CBLB: variants seen among roughly 807,000 people sequenced by gnomAD.
CBLB encodes E3 ubiquitin-protein ligase CBL-B.
CBLB carries 31 observed loss-of-function variants against 104.9 expected under a neutral mutation model. That is an observed-to-expected ratio of 0.30 (90% CI 0.22 to 0.40). CBLB has a LOEUF of 0.40. Ranked by LOEUF, CBLB falls within the 10% of genes least tolerant of loss-of-function variation. The pLI is 1.00. For missense variants in CBLB, 1,062 were observed against 1,214.6 expected (o/e 0.87, Z 1.87); for synonymous variants, 440 against 422.6 (o/e 1.04, Z -0.51).
intron 18 of CBLB, among the ~76,000 whole-genome samples, chr3:105,661,886 T>C (rs1423922453): frequency 6.6e-6 from 1 of 152,100 alleles, no homozygotes; most frequent in African/African-American, 2.4e-5. Context: ...AGGAGACCAT[T>C]AAAAAGAAAG....
intron 3 of CBLB, among the ~76,000 whole-genome samples, chr3:105,783,475 T>C (rs1409466795): frequency 6.6e-6 from 1 of 152,178 alleles, no homozygotes; most frequent in East Asian, 1.9e-4. Flanking sequence ...ATGATGGCCT[T>C]GTACAATTCA....
chr3:105,868,884 C>T lies in CBLB; in HGVS notation c.-163G>A, dbSNP rs1488017005. ...AGAAGGAGCAACCCAGCGCGCAGGC[C>T]TCCGAGACGTGGAAACGCAACAATT... On this transcript the variant is annotated 5_prime_UTR_variant, in exon 1 of 19. Transcript: ENST00000394030. 1 of 1,019,036 alleles carries T rather than the reference C, an allele frequency of 9.8e-7. No homozygotes were observed. The highest frequency in any genetic ancestry group is 1.2e-6 in the Non-Finnish European group (1 of 852,388). The allele number at this position is 1,019,036 out of a possible 1,614,324, so 63.1% of individuals were successfully genotyped here. A position where few individuals can be genotyped will look rare whatever the true frequency, so the allele number is the denominator to read the frequency against.
intron 4 of CBLB, among the ~76,000 whole-genome samples, chr3:105,752,269 A>G (rs923820472): frequency 2.0e-4 from 31 of 152,234 alleles, no homozygotes; most frequent in Admixed American, 2.0e-3. Context: ...TCATTCGACA[A>G]AATTTTAACA....
At chr3:105,701,969 T>A in intron 12 of CBLB, 125 bp downstream of exon 12, 1 of 956,744 alleles carries the variant, frequency 1.0e-6, no homozygotes, top group Non-Finnish European at 1.6e-6. Context: ...AACTTGGGGA[T>A]AATTAAAGAC....
intron 1 of CBLB, among the ~76,000 whole-genome samples, chr3:105,867,867 T>G (rs1359964998): frequency 7.0e-6 from 1 of 142,794 alleles, no homozygotes; most frequent in Middle Eastern, 3.2e-3. Context: ...GCTGAACTAA[T>G]ACTCAACTCA....
intron 3 of CBLB, among the ~76,000 whole-genome samples, chr3:105,828,134 C>T (rs541922740): frequency 6.6e-6 from 1 of 152,180 alleles, no homozygotes; most frequent in Non-Finnish European, 1.5e-5. Context: ...TAACCCTGTT[C>T]ACATTCTAGC....
rs200538551 is a variant in CBLB, at chr3:105,665,390, AAAATAAATAAAT to A, written c.2689+4831_2689+4842del. Among the ~76,000 whole-genome samples the A allele has an allele frequency of 1.2e-3, 152 of 122,274 alleles. 3 individuals are homozygous for A. Among genetic ancestry groups the A allele is most frequent in the African/African-American group, 2.9e-3 (87 of 30,208 alleles). The allele number at this position is 122,274 out of a possible 152,430, so 80.2% of individuals were successfully genotyped here. ...GACAGAGCGAGACTCTGTCTCCAAA[AAAATAAATAAAT>A]AAATAAATAAATAAATATATATATA... On this transcript the variant is annotated intron_variant, in intron 18 of 18. Transcript: ENST00000394030.
chr3:105,745,720 T>C (rs1476417693), intron 6 of CBLB, among the ~76,000 whole-genome samples, 197 bp downstream of exon 6: 1 of 151,414 alleles, frequency 6.6e-6, no homozygotes, highest in Non-Finnish European at 1.5e-5. Flanking sequence ...TTTCACTTTA[T>C]GAATACCAAG....
At chr3:105,745,115 A>C (rs536766887) in intron 6 of CBLB, among the ~76,000 whole-genome samples, 89 of 152,314 alleles carry the variant, frequency 5.8e-4, no homozygotes, top group African/African-American at 2.1e-3. Flanking sequence ...ATAGCATCTG[A>C]AATGTGAGGA....
chr3:105,830,065 AAAG>A (rs991258761), intron 3 of CBLB, among the ~76,000 whole-genome samples: 4 of 152,188 alleles, frequency 2.6e-5, no homozygotes, highest in African/African-American at 7.2e-5. Flanking sequence ...AAATGAGAAC[AAAG>A]AAGAAGGAGT....
rs77377779 is a variant in CBLB at position 105,804,663 on chromosome 3, A to T, written c.420-28121T>A. Among the ~76,000 whole-genome samples the T allele has an allele frequency of 6.5e-3, 986 of 152,242 alleles. 31 individuals carry two copies. The highest frequency in any genetic ancestry group is 0.052 in the East Asian group (272 of 5,182). ...CTTATTTTTATGTTAATATTAACAT[A>T]GCTACTAGATAATTTAAAATTACCT... On this transcript the variant is annotated intron_variant, in intron 3 of 18. Coordinates refer to ENST00000394030, the MANE Select transcript of CBLB (RefSeq NM_170662.5).
intron 3 of CBLB, among the ~76,000 whole-genome samples, chr3:105,830,130 T>C (rs2087260554): frequency 6.6e-6 from 1 of 152,188 alleles, no homozygotes; most frequent in Admixed American, 6.6e-5. Context: ...GCCCCAGTAA[T>C]GCATTGCTGC....
intron 18 of CBLB, among the ~76,000 whole-genome samples, chr3:105,663,981 T>G (rs1334711985): frequency 1.3e-5 from 2 of 151,934 alleles, no homozygotes; most frequent in East Asian, 3.9e-4. Context: ...CACTGCTGTA[T>G]ATCTACATAA....
chr3:105,716,245 C>T (rs191470220), intron 10 of CBLB, among the ~76,000 whole-genome samples: 77 of 152,210 alleles, frequency 5.1e-4, no homozygotes, highest in Non-Finnish European at 5.7e-4. Flanking sequence ...CAGTTTGATG[C>T]TCTGTGTATA....
Position 105,670,428 on chromosome 3 carries a change from T to G in CBLB, c.2570-76A>C, listed in dbSNP as rs558691899. 1.1e-4 allele frequency: 129 copies of G among 1,204,020 alleles called. No individual in the cohort carries two copies. The African/African-American group carries it at 1.6e-3, about 15-fold the overall frequency. 74.6% of individuals were successfully genotyped at this position (1,204,020 alleles called of 1,614,324 possible). ...GCTGAAGAAAAAAATTCTAGAATTA[T>G]TTTATGAAGATTATGGCTTTCAAAA... On this transcript the variant is annotated intron_variant, in intron 17 of 18. Transcript: ENST00000394030.
chr3:105,858,585 T>C (rs1025487671), intron 2 of CBLB, among the ~76,000 whole-genome samples: 3 of 152,210 alleles, frequency 2.0e-5, no homozygotes, highest in African/African-American at 7.2e-5. Context: ...AGGGCACCGA[T>C]TGGTGCATAA....
chr3:105,840,258 G>A (rs1355849550), intron 3 of CBLB, among the ~76,000 whole-genome samples: 2 of 151,932 alleles, frequency 1.3e-5, no homozygotes, highest in South Asian at 2.1e-4. Flanking sequence ...AAAGTTACAA[G>A]TAATATTTCA....
chr3:105,685,311 T>G lies in CBLB; in HGVS notation c.2201+9A>C. ...GATGTAAGTGGCAAAAATCTGCCCA[T>G]ACTCTTACCGAACAGGAGGTTTTAC... is the stretch of plus-strand genomic sequence containing the variant. On this transcript the variant is annotated intron_variant, in intron 14 of 18. Coordinates refer to ENST00000394030, the MANE Select transcript of CBLB (RefSeq NM_170662.5). The G allele has an allele frequency of 8.1e-6, 13 of 1,613,242 alleles. No homozygotes were observed. The highest frequency in any genetic ancestry group is 1.0e-5 in the Non-Finnish European group (12 of 1,179,260).
intron 3 of CBLB, among the ~76,000 whole-genome samples, chr3:105,778,005 T>C (rs372707646): frequency 9.2e-5 from 14 of 152,330 alleles, no homozygotes; most frequent in African/African-American, 3.1e-4. Flanking sequence ...ATATTCCCTT[T>C]TGCTCAGAAT....
Sources: allele counts gnomAD v4.1 joint callset (sites outside exome capture counted in the v4.1 genomes callset), GRCh38; gene constraint gnomAD v4.1.1; transcripts MANE v1.5; gene names NCBI Gene and HGNC (gene_info 2026-07-23, HGNC 2026-07-21).